CNTN1: variants seen among roughly 807,000 people sequenced by gnomAD.
The protein encoded by CNTN1 is contactin-1.
Under a neutral mutation model 126.4 loss-of-function variants are expected in CNTN1, and 38 were observed. The observed-to-expected ratio is 0.30, with a 90% CI of 0.23 to 0.39. The LOEUF is 0.39. CNTN1 is among the 10% of genes least tolerant of loss of function. The probability of loss-of-function intolerance (pLI) is 1.00; values close to 1 mark genes in which losing one functional copy is unlikely to be tolerated. For missense variants in CNTN1, 1,009 were observed against 1,248.4 expected (o/e 0.81, Z 2.89); for synonymous variants, 413 against 422.6 (o/e 0.98, Z 0.28).
intron 1 of CNTN1, among the ~76,000 whole-genome samples, chr12:40,785,483 G>C (rs143463315): frequency 0.032 from 4,795 of 152,218 alleles, 158 homozygotes; most frequent in African/African-American, 0.085. Flanking sequence ...ACCTGGGTGC[G>C]GGCGGGCTGA....
intron 17 of CNTN1, among the ~76,000 whole-genome samples, chr12:40,999,804 G>A (rs1465116238): frequency 1.4e-5 from 2 of 143,560 alleles, no homozygotes; most frequent in African/African-American, 2.6e-5. Context: ...CCAGGTTCAC[G>A]CCATTCTCCT....
intron 1 of CNTN1, among the ~76,000 whole-genome samples, chr12:40,694,909 A>T (rs1341471675): frequency 6.6e-6 from 1 of 152,198 alleles, no homozygotes; most frequent in East Asian, 1.9e-4. Flanking sequence ...ATGGGCGCAT[A>T]GTGGGTCATT....
chr12:40,917,500 T>G (rs985861329), intron 3 of CNTN1, among the ~76,000 whole-genome samples: 4 of 152,132 alleles, frequency 2.6e-5, no homozygotes, highest in Admixed American at 2.0e-4. Context: ...ATGAAACTAT[T>G]TGTTCAAAAG....
intron 21 of CNTN1, 65 bp from the exon 22 acceptor site, chr12:41,027,791 CA>C: frequency 1.1e-6 from 1 of 942,094 alleles, no homozygotes; most frequent in Admixed American, 1.7e-5. Flanking sequence ...ATACCTGATG[CA>C]ATAGAGTATG....
chr12:40,787,965 A>G lies in CNTN1; in HGVS notation c.-77+95373A>G, dbSNP rs1277829653. Among the ~76,000 whole-genome samples the G allele has an allele frequency of 3.3e-5, 5 of 152,282 alleles. No homozygotes were observed. The East Asian group carries it at 5.8e-4, about 18-fold the overall frequency. Reference sequence around the variant, plus strand: ...ATTGGTTTGAACCCTGGCTTTGCAAACTACTAGCTGTGGTTGCTTAGGCAA... The same window carrying G: ...ATTGGTTTGAACCCTGGCTTTGCAAGCTACTAGCTGTGGTTGCTTAGGCAA... On this transcript the variant is annotated intron_variant, in intron 1 of 23. Transcript: ENST00000551295.
chr12:41,000,026 T>A (rs1185997542), intron 17 of CNTN1, among the ~76,000 whole-genome samples: 2 of 152,182 alleles, frequency 1.3e-5, no homozygotes, highest in East Asian at 3.9e-4. Context: ...TTTGTTTATG[T>A]CCCATTTTCC....
chr12:40,785,654 G>T (rs548776371), intron 1 of CNTN1, among the ~76,000 whole-genome samples: 3 of 152,182 alleles, frequency 2.0e-5, no homozygotes, highest in African/African-American at 7.2e-5. Context: ...TCTTAAGGGT[G>T]GGGGAGATTA....
At chr12:41,045,170 C>T (rs529836715) in intron 23 of CNTN1, among the ~76,000 whole-genome samples, 2 of 152,048 alleles carry the variant, frequency 1.3e-5, no homozygotes, top group Admixed American at 6.6e-5. Context: ...TACACCTACC[C>T]CCGCCCCAAA....
chr12:40,907,695 C>G (rs1944882019), intron 1 of CNTN1, among the ~76,000 whole-genome samples: 1 of 152,188 alleles, frequency 6.6e-6, no homozygotes, highest in Non-Finnish European at 1.5e-5. Flanking sequence ...CCCCACAAAA[C>G]CTTGATTGTC....
chr12:40,729,392 G>A (rs1218966993), intron 1 of CNTN1: 1 of 153,364 alleles, frequency 6.5e-6, no homozygotes, highest in Non-Finnish European at 1.5e-5. Context: ...CTTGGAAGAA[G>A]GTGATATTGT....
intron 12 of CNTN1, among the ~76,000 whole-genome samples, chr12:40,940,941 T>A (rs1459596877): frequency 6.6e-6 from 1 of 152,140 alleles, no homozygotes; most frequent in East Asian, 1.9e-4. Flanking sequence ...TTCCACAGCC[T>A]AGAGCAGGGC....
chr12:40,782,276 T>C (rs999489179), intron 1 of CNTN1, among the ~76,000 whole-genome samples: 6 of 151,896 alleles, frequency 4.0e-5, no homozygotes, highest in Admixed American at 6.6e-5. Flanking sequence ...GTGTTTTGGA[T>C]ATGAACCATT....
At chr12:40,768,487 CTCTG>C (rs1241735042) in intron 1 of CNTN1, among the ~76,000 whole-genome samples, 3 of 152,182 alleles carry the variant, frequency 2.0e-5, no homozygotes, top group Non-Finnish European at 4.4e-5. Flanking sequence ...TTTCCTAACC[CTCTG>C]TCTTTTTCTC....
At chr12:40,791,587 AC>A (rs1208640827) in intron 1 of CNTN1, among the ~76,000 whole-genome samples, 1 of 152,174 alleles carries the variant, frequency 6.6e-6, no homozygotes, top group Non-Finnish European at 1.5e-5. Context: ...GTAGTCATAC[AC>A]CTATATTTTA....
intron 1 of CNTN1, among the ~76,000 whole-genome samples, chr12:40,889,557 G>T (rs1325523872): frequency 6.6e-6 from 1 of 152,124 alleles, no homozygotes; most frequent in Admixed American, 6.5e-5. Flanking sequence ...TGTTGTGGTA[G>T]GTTCTCGGGT....
intron 1 of CNTN1, among the ~76,000 whole-genome samples, chr12:40,880,127 A>AT (rs1565877281): frequency 6.6e-6 from 1 of 152,028 alleles, no homozygotes; most frequent in Non-Finnish European, 1.5e-5. Flanking sequence ...TGTAAATATT[A>AT]TATAATAAAA....
At chr12:40,979,606 G>C (rs1362947448) in intron 15 of CNTN1, among the ~76,000 whole-genome samples, 1 of 152,046 alleles carries the variant, frequency 6.6e-6, no homozygotes, top group Non-Finnish European at 1.5e-5. Context: ...CAAGTGATAT[G>C]TATGTTTAGT....
intron 17 of CNTN1, among the ~76,000 whole-genome samples, chr12:41,007,804 A>AAGG (rs1948540359): frequency 1.3e-5 from 2 of 152,224 alleles, no homozygotes; most frequent in African/African-American, 2.4e-5. Flanking sequence ...AGGGAAGAGA[A>AAGG]GATGGACCAT....
intron 1 of CNTN1, among the ~76,000 whole-genome samples, chr12:40,713,699 G>A (rs1941980772): frequency 1.3e-5 from 2 of 151,940 alleles, no homozygotes; most frequent in African/African-American, 4.8e-5. Context: ...ATAAGGCATA[G>A]GAAAAGAAAG....
Sources: allele counts gnomAD v4.1 joint callset (sites outside exome capture counted in the v4.1 genomes callset), GRCh38; gene constraint gnomAD v4.1.1; transcripts MANE v1.5; gene names NCBI Gene and HGNC (gene_info 2026-07-23, HGNC 2026-07-21).